GABRG3: variants seen among roughly 807,000 people sequenced by gnomAD.
GABRG3 encodes the protein gamma-aminobutyric acid receptor subunit gamma-3.
A neutral mutation model predicts 48.8 loss-of-function variants in GABRG3; 25 were observed. The observed-to-expected ratio is 0.51, with a 90% CI of 0.37 to 0.72. The LOEUF (loss-of-function observed/expected upper bound fraction) is 0.72. Ranked by LOEUF, GABRG3 falls within the 30% of genes least tolerant of loss-of-function variation. The pLI is 0.00. For synonymous variants in GABRG3, 227 were observed against 217.6 expected, an observed-to-expected ratio of 1.04 and a Z score of -0.38; for missense variants, 394 against 577.9, an observed-to-expected ratio of 0.68 and a Z score of 3.26.
intron 3 of GABRG3, among the ~76,000 whole-genome samples, chr15:27,243,170 C>T (rs1452546639): frequency 6.6e-6 from 1 of 152,152 alleles, no homozygotes; most frequent in Non-Finnish European, 1.5e-5. Flanking sequence ...AATACAACCC[C>T]CTTCTTATAA....
At chr15:27,454,497 A>C (rs537336120) in intron 5 of GABRG3, among the ~76,000 whole-genome samples, 2 of 152,310 alleles carry the variant, frequency 1.3e-5, no homozygotes, top group African/African-American at 4.8e-5. Flanking sequence ...GGGTGTGACT[A>C]TCTCTCCAGC....
intron 3 of GABRG3, among the ~76,000 whole-genome samples, chr15:27,287,895 C>T (rs564650825): frequency 1.3e-5 from 2 of 151,930 alleles, no homozygotes; most frequent in Non-Finnish European, 2.9e-5. Flanking sequence ...CCCACCACCA[C>T]ACCTGGATAA....
intron 3 of GABRG3, among the ~76,000 whole-genome samples, chr15:27,226,461 G>C (rs1889620319): frequency 6.6e-6 from 1 of 152,156 alleles, no homozygotes; most frequent in Non-Finnish European, 1.5e-5. Context: ...GAGACGACGT[G>C]GCCCATGCTG....
chr15:27,313,262 GTATATATA>G (rs1169926074), intron 3 of GABRG3, among the ~76,000 whole-genome samples: 1,056 of 34,344 alleles, frequency 0.031, 18 homozygotes, highest in African/African-American at 0.04. Flanking sequence ...GTGTGTGTGT[GTATATATA>G]TATATATATA....
At chr15:27,195,577 G>T (rs147653081) in intron 3 of GABRG3, among the ~76,000 whole-genome samples, 2 of 151,974 alleles carry the variant, frequency 1.3e-5, no homozygotes, top group East Asian at 3.9e-4. Context: ...TGATCTGCCC[G>T]CCTTGGCCTC....
intron 5 of GABRG3, among the ~76,000 whole-genome samples, chr15:27,407,312 G>T (rs117260268): frequency 6.6e-6 from 1 of 152,308 alleles, no homozygotes; most frequent in Non-Finnish European, 1.5e-5. Flanking sequence ...ACTGACACCA[G>T]CAAATGCTGG....
intron 5 of GABRG3, among the ~76,000 whole-genome samples, chr15:27,381,399 G>C (rs1342908051): frequency 6.6e-6 from 1 of 152,190 alleles, no homozygotes; most frequent in Non-Finnish European, 1.5e-5. Context: ...TAGAGCTCGT[G>C]GAAGTAAAAT....
chr15:27,514,617 T>C (rs1595804184), intron 6 of GABRG3, among the ~76,000 whole-genome samples: 2 of 152,322 alleles, frequency 1.3e-5, no homozygotes, highest in African/African-American at 4.8e-5. Flanking sequence ...ATAAAGAAAT[T>C]CAATCAAGGG....
At position 27,377,342 on chromosome 15, in the gene GABRG3, C is replaced by T. The variant is rs184746597; in HGVS notation, c.574+48454C>T. Among the ~76,000 whole-genome samples, 9 of 152,318 alleles carry T rather than the reference C, an allele frequency of 5.9e-5. No homozygotes were observed. In the South Asian group the frequency reaches 6.2e-4, roughly 11 times the overall value. On this transcript the variant is annotated intron_variant, in intron 5 of 9. Coordinates refer to ENST00000615808, the MANE Select transcript of GABRG3 (RefSeq NM_033223.5). The stretch of plus-strand genomic sequence containing the variant: ...TCACCAATTTCCAAAGTCACTTCCA[C>T]GTTTTCGGGTATCTTTTCAGCATTG...
At chr15:27,183,293 A>G (rs1887992581) in intron 3 of GABRG3, among the ~76,000 whole-genome samples, 1 of 152,226 alleles carries the variant, frequency 6.6e-6, no homozygotes, top group Admixed American at 6.5e-5. Context: ...GAAAGGAGAA[A>G]ATAAAACAAA....
At chr15:27,485,445 C>T (rs1890198583) in intron 6 of GABRG3, among the ~76,000 whole-genome samples, 1 of 152,114 alleles carries the variant, frequency 6.6e-6, no homozygotes, top group Non-Finnish European at 1.5e-5. Context: ...AAGAGCATCA[C>T]TGAGGTTGCA....
chr15:27,286,860 T>C (rs1274776860), intron 3 of GABRG3, among the ~76,000 whole-genome samples: 2 of 152,154 alleles, frequency 1.3e-5, no homozygotes, highest in Admixed American at 6.5e-5. Flanking sequence ...CAAGTCTTAG[T>C]TCCACGCCTG....
chr15:27,313,309 T>TATAC (rs1566779284), intron 3 of GABRG3, among the ~76,000 whole-genome samples: 19 of 95,456 alleles, frequency 2.0e-4, no homozygotes, highest in African/African-American at 7.0e-4. Context: ...TATATATATA[T>TATAC]ACCCAACATC....
intron 6 of GABRG3, among the ~76,000 whole-genome samples, chr15:27,506,970 A>T (rs1890776406): frequency 6.6e-6 from 1 of 152,126 alleles, no homozygotes; most frequent in African/African-American, 2.4e-5. Context: ...TAATGCTATA[A>T]ATGTGCATCT....
chr15:27,225,155 G>C (rs1889570694), intron 3 of GABRG3, among the ~76,000 whole-genome samples: 5 of 152,140 alleles, frequency 3.3e-5, no homozygotes, highest in Admixed American at 3.3e-4. Flanking sequence ...TAATTCTGTT[G>C]ACTGACTTAA....
intron 2 of GABRG3, among the ~76,000 whole-genome samples, chr15:26,984,594 C>G (rs1219843495): frequency 6.6e-6 from 1 of 152,100 alleles, no homozygotes; most frequent in East Asian, 1.9e-4. Context: ...CAGCCCTGTC[C>G]TTAGCTGGTT....
intron 5 of GABRG3, among the ~76,000 whole-genome samples, chr15:27,335,588 T>C (rs78624535): frequency 2.0e-4 from 30 of 152,116 alleles, no homozygotes; most frequent in African/African-American, 7.0e-4. Flanking sequence ...AAAAAAGGGA[T>C]GAGTACTCTA....
chr15:27,440,932 G>T (rs1888765177), intron 5 of GABRG3, among the ~76,000 whole-genome samples: 1 of 152,206 alleles, frequency 6.6e-6, no homozygotes, highest in South Asian at 2.1e-4. Context: ...CATGAGATTA[G>T]AGATAATCCT....
intron 3 of GABRG3, among the ~76,000 whole-genome samples, chr15:27,169,307 T>C (rs1224928116): frequency 6.6e-6 from 1 of 152,130 alleles, no homozygotes; most frequent in South Asian, 2.1e-4. Context: ...GCAAGTGAAT[T>C]GTACTTGGGA....
Sources: gnomAD v4.1 joint callset for allele counts (sites outside exome capture counted in the v4.1 genomes callset) on GRCh38, gnomAD v4.1.1 for gene constraint, MANE v1.5 for transcripts, NCBI Gene and HGNC (gene_info 2026-07-23, HGNC 2026-07-21) for gene names.